Variants in TUSC3 observed in about 807,000 individuals in gnomAD.
TUSC3 encodes the protein dolichyl-diphosphooligosaccharide--protein glycosyltransferase subunit TUSC3.
A neutral mutation model predicts 44.8 loss-of-function variants in TUSC3; 45 were observed. That is an observed-to-expected ratio of 1.00 (90% CI 0.79 to 1.29). TUSC3 has a LOEUF of 1.29. Among genes scored for constraint, TUSC3 ranks in the 50% most tolerant of loss-of-function variants. TUSC3 has a pLI of 0.00. For synonymous variants in TUSC3, 212 were observed against 152.9 expected, an observed-to-expected ratio of 1.39 and a Z score of -2.85; for missense variants, 519 against 437.9, an observed-to-expected ratio of 1.19 and a Z score of -1.65.
chr8:15,601,478 A>C (rs910833414), intron 1 of TUSC3, among the ~76,000 whole-genome samples: 1 of 151,730 alleles, frequency 6.6e-6, no homozygotes, highest in African/African-American at 2.4e-5. Context: ...AACCCAAAAC[A>C]TGACAGCAAA....
At chr8:15,685,700 T>C (rs897703250) in intron 6 of TUSC3, among the ~76,000 whole-genome samples, 1 of 152,292 alleles carries the variant, frequency 6.6e-6, no homozygotes, top group South Asian at 2.1e-4. Flanking sequence ...GCATAGTTTG[T>C]GGCAGTCAAC....
chr8:15,598,586 C>CCTCT (rs1554455768), intron 1 of TUSC3, among the ~76,000 whole-genome samples: 1 of 15,312 alleles, frequency 6.5e-5, no homozygotes, highest in Non-Finnish European at 1.7e-4. Context: ...CCCTAAAACT[C>CCTCT]GTCATACTTC....
downstream of TUSC3, among the ~76,000 whole-genome samples, chr8:15,769,656 G>GA (rs1776717356): frequency 2.0e-5 from 3 of 152,214 alleles, no homozygotes; most frequent in South Asian, 6.2e-4. Context: ...TACAGAATGG[G>GA]AAAAAATTTG....
At chr8:15,733,453 G>A (rs1174745273) in intron 7 of TUSC3, 8 of 359,536 alleles carry the variant, frequency 2.2e-5, no homozygotes, top group South Asian at 1.3e-4. Context: ...CAGGAATACC[G>A]AGCTGAAGGA....
At chr8:15,810,406 G>C in the TUSC3 span, among the ~76,000 whole-genome samples, 1 of 152,190 alleles carries the variant, frequency 6.6e-6, no homozygotes, top group South Asian at 2.1e-4. Flanking sequence ...GGGAAGCTAA[G>C]GTGGGAGGAT....
At chr8:15,666,682 C>T (rs1334429383) in intron 5 of TUSC3, among the ~76,000 whole-genome samples, 1 of 151,020 alleles carries the variant, frequency 6.6e-6, no homozygotes, top group African/African-American at 2.4e-5. Flanking sequence ...TACATATAAT[C>T]TTTATTTTTT....
chr8:15,842,957 T>C, the TUSC3 span, among the ~76,000 whole-genome samples: 50 of 152,320 alleles, frequency 3.3e-4, no homozygotes, highest in African/African-American at 1.1e-3. Context: ...TTTTTGACAG[T>C]GCTCAATAAC....
intron 2 of TUSC3, among the ~76,000 whole-genome samples, chr8:15,524,879 C>CA: frequency 6.6e-6 from 1 of 152,274 alleles, no homozygotes; most frequent in East Asian, 1.9e-4. Flanking sequence ...AAATGTAAAA[C>CA]ACTGTCACTC....
intron 1 of TUSC3, among the ~76,000 whole-genome samples, chr8:15,438,126 C>T (rs1305559276): frequency 1.3e-5 from 2 of 152,048 alleles, no homozygotes; most frequent in Non-Finnish European, 2.9e-5. Flanking sequence ...GACGGAGTTT[C>T]ACTCGTTACC....
intron 1 of TUSC3, among the ~76,000 whole-genome samples, chr8:15,560,178 A>C (rs1483213981): frequency 7.2e-6 from 1 of 139,858 alleles, no homozygotes; most frequent in Admixed American, 7.1e-5. Flanking sequence ...TTCCTTCAGG[A>C]GCTCTTTTAG....
intron 1 of TUSC3, among the ~76,000 whole-genome samples, chr8:15,472,222 A>G (rs1800503259): frequency 6.6e-6 from 1 of 152,184 alleles, no homozygotes; most frequent in Non-Finnish European, 1.5e-5. Context: ...AAAACTTAAT[A>G]AATTTCCCTT....
chr8:15,762,861 C>G (rs1418698738), intron 10 of TUSC3, among the ~76,000 whole-genome samples: 3 of 151,018 alleles, frequency 2.0e-5, no homozygotes, highest in African/African-American at 7.3e-5. Flanking sequence ...GCGGATTGAA[C>G]AGCAACTACA....
At position 15,460,270 on chromosome 8, in the gene TUSC3, G is replaced by A. The variant is rs183055140; in HGVS notation, n.92-23116G>A. ...TGGTATCGCATTGTCGTTTTGATTT[G>A]CAGTTCCCTGATTGTTAGTGATGTT... On this transcript the variant is annotated intron_variant and non_coding_transcript_variant, in intron 1 of 5. Transcript: ENST00000503191. 1.8e-4 allele frequency among the ~76,000 whole-genome samples: 27 copies of A among 151,866 alleles called. No individual in the cohort carries two copies. The East Asian group carries it at 3.5e-3, about 20-fold the overall frequency.
At chr8:15,558,921 C>A (rs557752565) in intron 1 of TUSC3, among the ~76,000 whole-genome samples, 1 of 151,366 alleles carries the variant, frequency 6.6e-6, no homozygotes, top group African/African-American at 2.4e-5. Context: ...TGCTAGCGGT[C>A]TATCAATCTT....
chr8:15,783,746 G>A, the TUSC3 span, among the ~76,000 whole-genome samples: 1 of 152,066 alleles, frequency 6.6e-6, no homozygotes, highest in East Asian at 1.9e-4. Context: ...AGAAGCTGTA[G>A]AACTACAAGA....
intron 1 of TUSC3, among the ~76,000 whole-genome samples, chr8:15,419,012 A>T (rs1400161991): frequency 6.6e-6 from 1 of 152,148 alleles, no homozygotes; most frequent in Non-Finnish European, 1.5e-5. Context: ...CTCTTAAGGA[A>T]AAAAGAAAAA....
chr8:15,623,311 T>C, intron 2 of TUSC3, 62 bp downstream of exon 2: 1 of 1,435,460 alleles, frequency 7.0e-7, no homozygotes, highest in Non-Finnish European at 9.3e-7. Flanking sequence ...TATATTTTTA[T>C]GTTCATTTTA....
chr8:15,842,550 C>T, the TUSC3 span, among the ~76,000 whole-genome samples: 6 of 152,108 alleles, frequency 3.9e-5, no homozygotes, highest in Non-Finnish European at 2.9e-5. Flanking sequence ...ATCCGCAGTC[C>T]TCCATGGAGC....
chr8:15,736,580 T>C (rs1226100529), intron 7 of TUSC3, among the ~76,000 whole-genome samples: 1 of 152,194 alleles, frequency 6.6e-6, no homozygotes, highest in African/African-American at 2.4e-5. Flanking sequence ...CTTTTCTTAC[T>C]AAATACACTT....
Sources: gnomAD v4.1 joint callset for allele counts (sites outside exome capture counted in the v4.1 genomes callset) on GRCh38, gnomAD v4.1.1 for gene constraint, MANE v1.5 for transcripts, NCBI Gene and HGNC (gene_info 2026-07-23, HGNC 2026-07-21) for gene names.